The following DMD variants were observed in gnomAD, a reference collection of about 807,000 sequenced individuals.
DMD encodes dystrophin, also known as mutant dystrophin.
In DMD, 63 loss-of-function variants were observed where a neutral mutation model predicts 330.1. The ratio of observed to expected loss-of-function variants is 0.19; its 90% CI spans 0.16 to 0.24. The LOEUF is 0.24. DMD is among the 10% of genes least tolerant of loss of function. The pLI is 1.00. For missense variants in DMD, 3,344 were observed against 2,684.1 expected, an observed-to-expected ratio of 1.25 and a Z score of -5.43; for synonymous variants, 1,223 against 959.8, an observed-to-expected ratio of 1.27 and a Z score of -5.07.
chrX:31,921,075 C>A (rs913876926), intron 47 of DMD, among the ~76,000 whole-genome samples: 1 of 111,147 alleles, frequency 9.0e-6, no homozygotes, highest in African/African-American at 3.3e-5. Context: ...CTTTACTTTG[C>A]CAAAATGAGG....
chrX:31,236,656 GTAAGA>G (rs756429117), intron 63 of DMD, among the ~76,000 whole-genome samples: 99 of 112,465 alleles, frequency 8.8e-4, no homozygotes, highest in African/African-American at 3.2e-3. Context: ...CTGCCCAGAT[GTAAGA>G]TAAGGATTGG....
At chrX:32,216,479 C>T (rs190128255) in intron 44 of DMD, among the ~76,000 whole-genome samples, 1 of 111,951 alleles carries the variant, frequency 8.9e-6, no homozygotes, top group Admixed American at 9.6e-5. Flanking sequence ...ATTGCTACAG[C>T]ACTACAAAAT....
chrX:32,636,711 T>C lies in DMD; in HGVS notation c.1331+7421A>G, dbSNP rs377698658. 8.9e-5 allele frequency among the ~76,000 whole-genome samples: 10 copies of C among 111,832 alleles called. No homozygotes were observed. In the East Asian group the frequency reaches 2.0e-3, roughly 22 times the overall value. On this transcript the variant is annotated intron_variant, in intron 11 of 78. Coordinates refer to ENST00000357033, the MANE Select transcript of DMD (RefSeq NM_004006.3). ...TGCGTGGCTGGATGCAAAAGATTCT[T>C]GGCCAGGCGTGGTGGCTCATGCCTG... is the stretch of plus-strand genomic sequence containing the variant.
chrX:32,500,142 C>A (rs983704325), intron 19 of DMD, among the ~76,000 whole-genome samples: 1 of 110,654 alleles, frequency 9.0e-6, no homozygotes, highest in Non-Finnish European at 1.9e-5. Flanking sequence ...CCCTACCCCC[C>A]AGTGTTCCCT....
chrX:32,254,215 TATTTTTAGC>T (rs2097289441), intron 43 of DMD, among the ~76,000 whole-genome samples: 1 of 111,436 alleles, frequency 9.0e-6, no homozygotes, highest in Non-Finnish European at 1.9e-5. Context: ...CCAATTTTTG[TATTTTTAGC>T]AGAGATGGGG....
At position 31,732,408 on chromosome X, in the gene DMD, C is replaced by A. The variant is rs191150255; in HGVS notation, c.7543-2660G>T. Among the ~76,000 whole-genome samples the A allele has an allele frequency of 2.7e-5, 3 of 111,096 alleles. No homozygotes were observed. The East Asian group carries it at 8.4e-4, about 31-fold the overall frequency. On this transcript the variant is annotated intron_variant, in intron 51 of 78. Transcript: ENST00000357033. ...AGAGAGGGATTTAATATGGCATACGCTTCAGTATTTTTTCATTAAGATATT... is the reference window on the plus strand; with the variant it reads ...AGAGAGGGATTTAATATGGCATACGATTCAGTATTTTTTCATTAAGATATT...
chrX:32,097,149 G>A (rs774172913), intron 44 of DMD, among the ~76,000 whole-genome samples: 32 of 110,775 alleles, frequency 2.9e-4, no homozygotes, highest in Non-Finnish European at 3.0e-4. Context: ...TTGTTACATA[G>A]GTACACATGT....
At chrX:31,317,688 T>C (rs1348253261) in intron 62 of DMD, among the ~76,000 whole-genome samples, 2 of 110,096 alleles carry the variant, frequency 1.8e-5, no homozygotes, top group African/African-American at 6.6e-5. Flanking sequence ...ATTTTTTGTA[T>C]TTTTAGTAGA....
intron 44 of DMD, among the ~76,000 whole-genome samples, chrX:31,983,433 C>T (rs2095489936): frequency 9.0e-6 from 1 of 111,542 alleles, no homozygotes; most frequent in Non-Finnish European, 1.9e-5. Context: ...ACTGAATTTT[C>T]TCCTTTAAGC....
intron 73 of DMD, among the ~76,000 whole-genome samples, chrX:31,171,435 C>T (rs1424909745): frequency 8.9e-6 from 1 of 112,038 alleles, no homozygotes; most frequent in Non-Finnish European, 1.9e-5. Flanking sequence ...ATAAATTTAC[C>T]ATTCTTCCCT....
chrX:31,876,190 A>G (rs923537760), intron 47 of DMD, among the ~76,000 whole-genome samples: 1 of 112,602 alleles, frequency 8.9e-6, no homozygotes, highest in African/African-American at 3.2e-5. Context: ...CCATCCAACA[A>G]TGCTACGACA....
intron 2 of DMD, among the ~76,000 whole-genome samples, chrX:33,015,271 G>A (rs1029093061): frequency 7.2e-5 from 8 of 111,730 alleles, no homozygotes; most frequent in Admixed American, 1.9e-4. Flanking sequence ...TCAAATGCCC[G>A]TCAATGATAG....
At chrX:33,161,465 A>T (rs1353759899) in intron 1 of DMD, among the ~76,000 whole-genome samples, 2 of 111,949 alleles carry the variant, frequency 1.8e-5, no homozygotes, top group East Asian at 5.6e-4. Flanking sequence ...TAGGAACCAG[A>T]AAGGGTGATA....
chrX:32,355,388 T>G (rs1410235879), intron 37 of DMD, among the ~76,000 whole-genome samples: 1 of 110,713 alleles, frequency 9.0e-6, no homozygotes, highest in Non-Finnish European at 1.9e-5. Flanking sequence ...TGAAAGTCTC[T>G]GGTCCAAAGC....
At position 33,223,141 on chromosome X, in the gene DMD, C is replaced by T. The variant is rs560686193; in HGVS notation, c.7+116118G>A. Among the ~76,000 whole-genome samples the T allele has an allele frequency of 3.6e-4, 40 of 111,123 alleles. No homozygotes were observed. In the South Asian group the frequency reaches 0.014, roughly 40 times the overall value. ...CCTGGCCAACATCATGAAGCCCCGT[C>T]TGTACTAAAAACAACAAAAATTAGC... On this transcript the variant is annotated intron_variant, in intron 1 of 17. Coordinates refer to the DMD transcript ENST00000288447.
At chrX:31,701,684 C>T (rs1226845299) in intron 52 of DMD, among the ~76,000 whole-genome samples, 1 of 112,176 alleles carries the variant, frequency 8.9e-6, no homozygotes, top group Non-Finnish European at 1.9e-5. Context: ...CCACCTGCGT[C>T]CCCTGATGGA....
chrX:31,557,851 T>C (rs1394361426), intron 55 of DMD, among the ~76,000 whole-genome samples: 7 of 108,863 alleles, frequency 6.4e-5, no homozygotes, highest in Admixed American at 5.9e-4. Flanking sequence ...CACATACAAA[T>C]ACAGATTGGA....
intron 41 of DMD, among the ~76,000 whole-genome samples, chrX:32,325,731 C>T (rs1348925615): frequency 9.0e-6 from 1 of 110,719 alleles, no homozygotes; most frequent in Non-Finnish European, 1.9e-5. Flanking sequence ...ATTTAACAGC[C>T]AATGGCTAAT....
At chrX:32,236,765 T>C (rs1258918701) in intron 43 of DMD, among the ~76,000 whole-genome samples, 4 of 112,086 alleles carry the variant, frequency 3.6e-5, no homozygotes, top group African/African-American at 1.3e-4. Flanking sequence ...GTCTCATGTA[T>C]GTCTTTATCA....
Sources: allele counts gnomAD v4.1 joint callset (sites outside exome capture counted in the v4.1 genomes callset), GRCh38; gene constraint gnomAD v4.1.1; transcripts MANE v1.5; gene names NCBI Gene and HGNC (gene_info 2026-07-23, HGNC 2026-07-21).